The following RBFOX1 variants were observed in gnomAD, a reference collection of about 807,000 sequenced individuals.
RBFOX1 encodes RNA binding protein fox-1 homolog 1.
A neutral mutation model predicts 57.7 loss-of-function variants in RBFOX1; 8 were observed. The ratio of observed to expected loss-of-function variants is 0.14; its 90% CI spans 0.08 to 0.25. The LOEUF (loss-of-function observed/expected upper bound fraction) is 0.25. Ranked by LOEUF, RBFOX1 falls within the 10% of genes least tolerant of loss-of-function variation. The pLI, the probability that RBFOX1 is intolerant of heterozygous loss-of-function variation, is 1.00. For synonymous variants in RBFOX1, 326 were observed against 222.4 expected (o/e 1.47, Z -4.15); for missense variants, 611 against 548.5 (o/e 1.11, Z -1.14).
intron 4 of RBFOX1, among the ~76,000 whole-genome samples, chr16:7,318,348 G>T (rs2096483172): frequency 6.6e-6 from 1 of 152,064 alleles, no homozygotes; most frequent in African/African-American, 2.4e-5. Flanking sequence ...GCTGATGGTG[G>T]TAGTTGCAGT....
intron 2 of RBFOX1, among the ~76,000 whole-genome samples, chr16:6,388,526 G>A (rs1035348536): frequency 6.6e-6 from 1 of 151,912 alleles, no homozygotes; most frequent in African/African-American, 2.4e-5. Context: ...TAAAAATTGT[G>A]TATATTTGTC....
intron 2 of RBFOX1, among the ~76,000 whole-genome samples, chr16:5,550,371 C>T (rs2045413592): frequency 6.6e-6 from 1 of 152,156 alleles, no homozygotes; most frequent in African/African-American, 2.4e-5. Flanking sequence ...ACTGGAAAGG[C>T]AGCTCATTCT....
chr16:5,849,936 A>G (rs911692072), intron 3 of RBFOX1, among the ~76,000 whole-genome samples: 2 of 152,166 alleles, frequency 1.3e-5, no homozygotes, highest in Non-Finnish European at 1.5e-5. Flanking sequence ...AGGGAATGTT[A>G]TATTTCGGAT....
chr16:5,873,516 G>C (rs2151906793), intron 4 of RBFOX1, among the ~76,000 whole-genome samples: 1 of 152,350 alleles, frequency 6.6e-6, no homozygotes, highest in Non-Finnish European at 1.5e-5. Flanking sequence ...CAAGAGTCCA[G>C]AATTCTCAGT....
chr16:5,832,099 G>A (rs1341982273), intron 3 of RBFOX1, among the ~76,000 whole-genome samples: 2 of 152,190 alleles, frequency 1.3e-5, no homozygotes, highest in African/African-American at 4.8e-5. Flanking sequence ...ATAGCTGAGG[G>A]CTTAGGAGAG....
intron 1 of RBFOX1, among the ~76,000 whole-genome samples, chr16:6,129,306 C>T (rs750463032): frequency 1.3e-5 from 2 of 151,040 alleles, no homozygotes; most frequent in African/African-American, 4.9e-5. Context: ...ACAAGGGATC[C>T]CAGGAAAAAA....
chr16:7,192,529 A>C (rs1014605143), intron 4 of RBFOX1, among the ~76,000 whole-genome samples: 7 of 152,208 alleles, frequency 4.6e-5, no homozygotes, highest in Admixed American at 6.5e-5. Flanking sequence ...TGAAGCATCA[A>C]CTGTGAGAAG....
intron 4 of RBFOX1, among the ~76,000 whole-genome samples, chr16:7,192,930 C>G (rs546434944): frequency 8.5e-5 from 13 of 152,296 alleles, no homozygotes; most frequent in Middle Eastern, 3.4e-3. Context: ...ATGTAAAAAG[C>G]AGAGAGAAAG....
At chr16:6,138,340 A>G (rs1312234697) in intron 1 of RBFOX1, among the ~76,000 whole-genome samples, 2 of 152,186 alleles carry the variant, frequency 1.3e-5, no homozygotes, top group Non-Finnish European at 2.9e-5. Context: ...GCCAGTTCCA[A>G]TACCATTATT....
At chr16:6,109,879 C>T (rs2096424379) in intron 1 of RBFOX1, among the ~76,000 whole-genome samples, 1 of 152,146 alleles carries the variant, frequency 6.6e-6, no homozygotes, top group African/African-American at 2.4e-5. Flanking sequence ...TAAAACAGAG[C>T]AGAAATCTTG....
At chr16:7,364,438 C>T (rs557477117) in intron 4 of RBFOX1, among the ~76,000 whole-genome samples, 34 of 152,208 alleles carry the variant, frequency 2.2e-4, no homozygotes, top group African/African-American at 5.8e-4. Context: ...GCGTGTTTAA[C>T]ATTTCATTTG....
intron 3 of RBFOX1, among the ~76,000 whole-genome samples, chr16:5,675,495 A>C (rs2050139672): frequency 6.6e-6 from 1 of 152,190 alleles, no homozygotes; most frequent in Non-Finnish European, 1.5e-5. Context: ...TTGCTCCCCA[A>C]ACACAGCTGC....
intron 4 of RBFOX1, among the ~76,000 whole-genome samples, chr16:7,201,678 G>A (rs1410063890): frequency 6.6e-6 from 1 of 152,016 alleles, no homozygotes; most frequent in Admixed American, 6.6e-5. Flanking sequence ...TGGCTAGGCT[G>A]GTCTTGAATC....
At chr16:5,944,662 A>C (rs557381251) in intron 4 of RBFOX1, among the ~76,000 whole-genome samples, 4 of 151,544 alleles carry the variant, frequency 2.6e-5, no homozygotes, top group South Asian at 4.2e-4. Flanking sequence ...CCTTAAGAGA[A>C]AGCTATTCTC....
At chr16:6,496,471 G>T (rs1293094195) in intron 2 of RBFOX1, among the ~76,000 whole-genome samples, 1 of 152,152 alleles carries the variant, frequency 6.6e-6, no homozygotes, top group Non-Finnish European at 1.5e-5. Context: ...TAGCCGTGTT[G>T]TGGTCTTGCT....
intron 9 of RBFOX1, among the ~76,000 whole-genome samples, chr16:7,603,876 GT>G (rs911147428): frequency 2.0e-5 from 3 of 151,908 alleles, no homozygotes; most frequent in Admixed American, 1.3e-4. Flanking sequence ...CAAAGCTGAT[GT>G]TTTTTTTAAA....
At chr16:7,336,353 C>T (rs572039887) in intron 4 of RBFOX1, among the ~76,000 whole-genome samples, 1 of 152,338 alleles carries the variant, frequency 6.6e-6, no homozygotes, top group East Asian at 1.9e-4. Context: ...ATAGATATGC[C>T]CTTGGGCCAT....
At chr16:5,888,976 C>T (rs1221221760) in intron 4 of RBFOX1, among the ~76,000 whole-genome samples, 2 of 151,982 alleles carry the variant, frequency 1.3e-5, no homozygotes, top group Non-Finnish European at 2.9e-5. Flanking sequence ...GTGAGGTTCC[C>T]TTTGTTGGGA....
intron 2 of RBFOX1, among the ~76,000 whole-genome samples, chr16:6,497,015 G>A (rs530832699): frequency 1.6e-4 from 24 of 152,302 alleles, no homozygotes; most frequent in Non-Finnish European, 3.4e-4. Context: ...CAAGTACTAC[G>A]AGAGGCACTG....
Sources: gnomAD v4.1 joint callset for allele counts (sites outside exome capture counted in the v4.1 genomes callset) on GRCh38, gnomAD v4.1.1 for gene constraint, MANE v1.5 for transcripts, NCBI Gene and HGNC (gene_info 2026-07-23, HGNC 2026-07-21) for gene names.